Variants in UBE2E2 observed in about 807,000 individuals in gnomAD.
The protein encoded by UBE2E2 is ubiquitin conjugating enzyme E2 E2.
Under a neutral mutation model 24.7 loss-of-function variants are expected in UBE2E2, and 6 were observed. That is an observed-to-expected ratio of 0.24 (90% CI 0.13 to 0.48). UBE2E2 has a LOEUF of 0.48. Among genes scored for constraint, UBE2E2 ranks in the 20% least tolerant of loss-of-function variants. The probability of loss-of-function intolerance (pLI) is 0.99; values close to 1 mark genes in which losing one functional copy is unlikely to be tolerated. For synonymous variants in UBE2E2, 104 were observed against 83.6 expected, an observed-to-expected ratio of 1.24 and a Z score of -1.33; for missense variants, 169 against 245.0, an observed-to-expected ratio of 0.69 and a Z score of 2.07.
intron 3 of UBE2E2, among the ~76,000 whole-genome samples, chr3:23,256,132 C>T (rs1697715363): frequency 6.6e-6 from 1 of 152,196 alleles, no homozygotes; most frequent in Non-Finnish European, 1.5e-5. Context: ...ATAAAGCTAG[C>T]ATATGAGTTG....
chr3:23,507,955 A>G (rs866165977), intron 4 of UBE2E2, among the ~76,000 whole-genome samples: 3 of 152,180 alleles, frequency 2.0e-5, no homozygotes, highest in African/African-American at 7.2e-5. Context: ...TTAAATAATA[A>G]ATATTGATTT....
chr3:23,392,666 A>G (rs922218076), intron 3 of UBE2E2, among the ~76,000 whole-genome samples: 9 of 152,164 alleles, frequency 5.9e-5, no homozygotes, highest in African/African-American at 1.7e-4. Context: ...ATAAACAAAT[A>G]TATGAAGAAG....
At chr3:23,429,945 A>T (rs1698018168) in intron 3 of UBE2E2, among the ~76,000 whole-genome samples, 1 of 152,188 alleles carries the variant, frequency 6.6e-6, no homozygotes, top group African/African-American at 2.4e-5. Context: ...CAGTGGCACG[A>T]TCTTGGCTCA....
chr3:23,587,213 C>G (rs1463943202), intron 5 of UBE2E2, among the ~76,000 whole-genome samples: 1 of 152,202 alleles, frequency 6.6e-6, no homozygotes, highest in Non-Finnish European at 1.5e-5. Flanking sequence ...GTTACCAGCA[C>G]TCTAACTTGT....
intron 5 of UBE2E2, among the ~76,000 whole-genome samples, chr3:23,552,893 C>T (rs1695676372): frequency 6.6e-6 from 1 of 152,152 alleles, no homozygotes; most frequent in Non-Finnish European, 1.5e-5. Context: ...AGTCTAAAAA[C>T]TACCAACATG....
chr3:23,384,303 CA>C (rs1360027212), intron 3 of UBE2E2, among the ~76,000 whole-genome samples: 11 of 151,608 alleles, frequency 7.3e-5, no homozygotes, highest in Middle Eastern at 3.5e-3. Context: ...GCTGGGACTA[CA>C]AGGCATGTTC....
chr3:23,317,836 T>G (rs1252012901), intron 3 of UBE2E2, among the ~76,000 whole-genome samples: 3 of 151,994 alleles, frequency 2.0e-5, no homozygotes, highest in Non-Finnish European at 4.4e-5. Flanking sequence ...AGGGGTGATG[T>G]CTGCAATTCA....
intron 3 of UBE2E2, among the ~76,000 whole-genome samples, chr3:23,245,791 T>G (rs1697378401): frequency 6.6e-6 from 1 of 152,224 alleles, no homozygotes; most frequent in South Asian, 2.1e-4. Context: ...ATAATTGGTT[T>G]TGTTTCCTCT....
intron 3 of UBE2E2, among the ~76,000 whole-genome samples, chr3:23,436,015 T>TAG (rs1332017824): frequency 6.6e-6 from 1 of 152,044 alleles, no homozygotes; most frequent in Non-Finnish European, 1.5e-5. Context: ...CAGTTCACAA[T>TAG]AGGATCCCCA....
chr3:23,398,626 C>A (rs1575605139), intron 3 of UBE2E2, among the ~76,000 whole-genome samples: 1 of 152,116 alleles, frequency 6.6e-6, no homozygotes, highest in South Asian at 2.1e-4. Flanking sequence ...CATCTTAACT[C>A]CATGTTGATG....
intron 3 of UBE2E2, among the ~76,000 whole-genome samples, chr3:23,313,386 C>CT (rs34208918): frequency 0.053 from 5,956 of 111,812 alleles, 801 homozygotes; most frequent in African/African-American, 0.18. Flanking sequence ...ATCATTGGGT[C>CT]TTTTTTTTTT....
At chr3:23,485,774 A>C (rs778945081) in intron 3 of UBE2E2, among the ~76,000 whole-genome samples, 3 of 152,230 alleles carry the variant, frequency 2.0e-5, no homozygotes, top group Non-Finnish European at 4.4e-5. Context: ...TCATGATCTC[A>C]GAATTTAATG....
chr3:23,377,687 G>A (rs200873602), intron 3 of UBE2E2, among the ~76,000 whole-genome samples: 1 of 152,192 alleles, frequency 6.6e-6, no homozygotes, highest in South Asian at 2.1e-4. Flanking sequence ...TCTCCTTAAG[G>A]GCTGGGTGAC....
chr3:23,577,084 A>G (rs180836524), intron 5 of UBE2E2, among the ~76,000 whole-genome samples: 1 of 152,178 alleles, frequency 6.6e-6, no homozygotes, highest in Admixed American at 6.5e-5. Context: ...GTGATCAGTG[A>G]TCTCTGATGC....
chr3:23,379,245 TTA>T (rs1259451474), intron 3 of UBE2E2, among the ~76,000 whole-genome samples: 4 of 109,544 alleles, frequency 3.7e-5, no homozygotes, highest in African/African-American at 9.9e-5. Flanking sequence ...TTTTTTTATT[TTA>T]TTTTTTTTTA....
rs201530454 is a variant in UBE2E2, at chr3:23,203,457, C to CCG, written c.-15_-14insGC. On this transcript the variant is annotated 5_prime_UTR_variant, in exon 1 of 6. Transcript: ENST00000396703. The stretch of plus-strand genomic sequence containing the variant: ...AGCCTGCGACCTGCACGGACACCCC[C>CCG]CCCTCAGGTATTCGCTCGGGCCGCG... 375 of 965,278 alleles carry CCG rather than the reference C, an allele frequency of 3.9e-4. 6 individuals are homozygous for CCG. In the African/African-American group the frequency reaches 7.4e-3, roughly 19 times the overall value. The allele number at this position is 965,278 out of a possible 1,614,324, so 59.8% of individuals were successfully genotyped here. A position where few individuals can be genotyped will look rare whatever the true frequency, so the allele number is the denominator to read the frequency against.
intron 4 of UBE2E2, among the ~76,000 whole-genome samples, chr3:23,521,413 A>G (rs540660325): frequency 6.6e-6 from 1 of 152,230 alleles, no homozygotes; most frequent in Non-Finnish European, 1.5e-5. Flanking sequence ...GTTGTTATGT[A>G]TGAGACACTT....
At chr3:23,440,927 G>C (rs1295237481) in intron 3 of UBE2E2, among the ~76,000 whole-genome samples, 1 of 152,104 alleles carries the variant, frequency 6.6e-6, no homozygotes, top group Non-Finnish European at 1.5e-5. Flanking sequence ...CTTATTGTGA[G>C]TAGGCAGGGT....
intron 3 of UBE2E2, among the ~76,000 whole-genome samples, chr3:23,478,254 C>G (rs1057288547): frequency 8.5e-5 from 13 of 152,158 alleles, no homozygotes; most frequent in Admixed American, 8.5e-4. Flanking sequence ...CAGTGCCTGC[C>G]CTCAGGGGAC....
Sources: gnomAD v4.1 joint callset for allele counts (sites outside exome capture counted in the v4.1 genomes callset) on GRCh38, gnomAD v4.1.1 for gene constraint, MANE v1.5 for transcripts, NCBI Gene and HGNC (gene_info 2026-07-23, HGNC 2026-07-21) for gene names.